Variants in ARFGEF1 observed in about 807,000 individuals in gnomAD.
ARFGEF1 encodes the protein brefeldin A-inhibited guanine nucleotide-exchange protein 1.
A neutral mutation model predicts 231.0 loss-of-function variants in ARFGEF1; 42 were observed. That is an observed-to-expected ratio of 0.18 (90% CI 0.14 to 0.24). ARFGEF1 has a LOEUF of 0.24. Among genes scored for constraint, ARFGEF1 ranks in the 10% least tolerant of loss-of-function variants. The pLI, the probability that ARFGEF1 is intolerant of heterozygous loss-of-function variation, is 1.00. For synonymous variants in ARFGEF1, 710 were observed against 732.3 expected (o/e 0.97, Z 0.49); for missense variants, 1,345 against 2,192.0 (o/e 0.61, Z 7.72).
At chr8:67,248,521 C>A (rs527278208) in intron 19 of ARFGEF1, among the ~76,000 whole-genome samples, 6 of 150,508 alleles carry the variant, frequency 4.0e-5, no homozygotes, top group African/African-American at 1.5e-4. Context: ...TCTAAGACCT[C>A]AAACTATGAA....
chr8:67,283,358 G>A (rs1006945902), intron 7 of ARFGEF1, among the ~76,000 whole-genome samples: 7 of 152,084 alleles, frequency 4.6e-5, no homozygotes, highest in Admixed American at 6.5e-5. Context: ...ATTAACAGGA[G>A]ATTATTTAAA....
chr8:67,282,901 C>A (rs1805597144), intron 7 of ARFGEF1, among the ~76,000 whole-genome samples: 2 of 146,824 alleles, frequency 1.4e-5, no homozygotes, highest in African/African-American at 2.5e-5. Flanking sequence ...AAGGTTCAAA[C>A]AAAACAAAGA....
At chr8:67,270,535 T>C (rs535248332) in intron 10 of ARFGEF1, among the ~76,000 whole-genome samples, 131 of 151,996 alleles carry the variant, frequency 8.6e-4, no homozygotes, top group Middle Eastern at 6.8e-3. Context: ...AAACATAATA[T>C]GAAGGTAAAA....
intron 21 of ARFGEF1, 64 bp downstream of exon 21, chr8:67,238,671 G>GAGTC: frequency 1.3e-6 from 2 of 1,550,780 alleles, no homozygotes; most frequent in Non-Finnish European, 1.8e-6. Context: ...TGTCAATGAT[G>GAGTC]GACTATTTAG....
rs142673741 is a variant in ARFGEF1 at position 67,290,249 on chromosome 8, G to A, written c.916+1598C>T. ...CTTCTACAGCGGTACCTCACACACG[G>A]CAGATGCTTCCATTCCTTGGGTCTT... On this transcript the variant is annotated intron_variant, in intron 6 of 38. Coordinates refer to ENST00000262215, the MANE Select transcript of ARFGEF1 (RefSeq NM_006421.5). Among the ~76,000 whole-genome samples, 792 of 152,210 alleles carry A rather than the reference G, an allele frequency of 5.2e-3. 3 individuals are homozygous for A. Among genetic ancestry groups the A allele is most frequent in the Non-Finnish European group, 8.1e-3 (551 of 68,008 alleles).
chr8:67,326,226 A>G (rs1807826923), intron 1 of ARFGEF1, among the ~76,000 whole-genome samples: 2 of 152,122 alleles, frequency 1.3e-5, no homozygotes, highest in Admixed American at 1.3e-4. Flanking sequence ...TAAAAGAAAA[A>G]GAACATCTAT....
At chr8:67,184,971 G>A (rs1222806561) in intron 5 of ARFGEF1, among the ~76,000 whole-genome samples, 1 of 146,834 alleles carries the variant, frequency 6.8e-6, no homozygotes, top group Non-Finnish European at 1.5e-5. Flanking sequence ...AAAAAAGGTG[G>A]TGGGCACCTA....
At chr8:67,201,979 A>G (rs901980059) in intron 36 of ARFGEF1, 10 of 225,708 alleles carry the variant, frequency 4.4e-5, no homozygotes, top group Admixed American at 1.9e-4. Flanking sequence ...GTGTGTGTGG[A>G]CACAAGGAGG....
At chr8:67,246,112 A>G (rs1486529402) in intron 19 of ARFGEF1, among the ~76,000 whole-genome samples, 1 of 150,262 alleles carries the variant, frequency 6.7e-6, no homozygotes, top group African/African-American at 2.5e-5. Context: ...ACCCAAATAT[A>G]TAAAGCAAAT....
At chr8:67,294,743 T>TG (rs1488305170) in intron 5 of ARFGEF1, among the ~76,000 whole-genome samples, 1 of 152,150 alleles carries the variant, frequency 6.6e-6, no homozygotes, top group Admixed American at 6.6e-5. Context: ...GTGTAGGAAT[T>TG]GAGTGGGACG....
chr8:67,319,791 T>C (rs1807494068), intron 1 of ARFGEF1, among the ~76,000 whole-genome samples: 1 of 152,202 alleles, frequency 6.6e-6, no homozygotes, highest in Non-Finnish European at 1.5e-5. Context: ...ATTGTTTATC[T>C]GGCAAAGACT....
Position 67,266,025 on chromosome 8 carries a change from T to C in ARFGEF1, c.2104A>G (p.Ile702Val). Residue 702 changes from isoleucine to valine, a missense_variant, in exon 14 of 39, where the codon ATA (isoleucine) becomes GTA (valine). Ile to Val is a conservative substitution (Grantham distance 29, BLOSUM62 3). Coordinates refer to ENST00000262215, the MANE Select transcript of ARFGEF1 (RefSeq NM_006421.5). ...FEVLKQQKEI[I>V]EQGIDLFNKK... ...ACTTACAAATCTATCCCTTGTTCTA[T>C]TATTTCTTTTTGTTGCTTTAGGACC... The C allele has an allele frequency of 6.2e-7, 1 of 1,613,730 alleles. No homozygotes were observed. Among genetic ancestry groups the C allele is most frequent in the Non-Finnish European group, 8.5e-7 (1 of 1,179,722 alleles).
At chr8:67,325,232 T>A (rs1006418554) in intron 1 of ARFGEF1, among the ~76,000 whole-genome samples, 1 of 152,108 alleles carries the variant, frequency 6.6e-6, no homozygotes, top group Non-Finnish European at 1.5e-5. Flanking sequence ...ACTTTTTTTT[T>A]TTTTTTAACA....
Position 67,277,336 on chromosome 8 carries a change from T to C in ARFGEF1, c.1149A>G (p.Ala383=). The C allele has an allele frequency of 6.2e-7, 1 of 1,613,764 alleles. No homozygotes were observed. The highest frequency in any genetic ancestry group is 2.2e-5 in the East Asian group (1 of 44,836). ...TATCATCAGGTAAGGATGGTGTATA[T>C]GCAACAGAAATTGGTGTTCCTGGAA... The part of the protein sequence containing the change: ...NGIPGTPISV[A]YTPSLPDDRL... The change falls in exon 8 of 39, where the codon GCA becomes GCG. Residue 383 remains alanine (A), a synonymous_variant. Transcript: ENST00000262215.
At chr8:67,209,916 G>A (rs559982542) in intron 34 of ARFGEF1, among the ~76,000 whole-genome samples, 1 of 151,892 alleles carries the variant, frequency 6.6e-6, no homozygotes, top group African/African-American at 2.4e-5. Flanking sequence ...ACTTTGGGAG[G>A]CCAAGCCGGG....
intron 1 of ARFGEF1, among the ~76,000 whole-genome samples, chr8:67,325,585 T>C (rs1017044969): frequency 6.6e-6 from 1 of 152,176 alleles, no homozygotes; most frequent in African/African-American, 2.4e-5. Flanking sequence ...ATTCTCTCAG[T>C]GGGACAAAAC....
intron 1 of ARFGEF1, among the ~76,000 whole-genome samples, chr8:67,323,804 C>CTT (rs762347341): frequency 2.8e-5 from 4 of 145,334 alleles, no homozygotes; most frequent in African/African-American, 2.5e-5. Context: ...CAGAAATCTA[C>CTT]TTTTTTTTTT....
At chr8:67,230,012 A>C (rs1015656390) in intron 23 of ARFGEF1, among the ~76,000 whole-genome samples, 25 of 152,168 alleles carry the variant, frequency 1.6e-4, no homozygotes, top group Admixed American at 1.2e-3. Flanking sequence ...GCAATAAGAC[A>C]GGTCCTGTGG....
chr8:67,337,726 C>T (rs1037650595), intron 1 of ARFGEF1, among the ~76,000 whole-genome samples: 3 of 152,194 alleles, frequency 2.0e-5, no homozygotes, highest in Non-Finnish European at 4.4e-5. Context: ...TGTCATCTCA[C>T]AGATAGGACT....
Sources: allele counts gnomAD v4.1 joint callset (sites outside exome capture counted in the v4.1 genomes callset), GRCh38; gene constraint gnomAD v4.1.1; transcripts MANE v1.5; gene names NCBI Gene and HGNC (gene_info 2026-07-23, HGNC 2026-07-21).